Variants in CPS1 observed in about 807,000 individuals in gnomAD.
CPS1 encodes carbamoyl-phosphate synthase 1, also known as carbamoyl-phosphate synthase [ammonia], mitochondrial.
A neutral mutation model predicts 174.6 loss-of-function variants in CPS1; 109 were observed. That is an observed-to-expected ratio of 0.62 (90% CI 0.53 to 0.73). CPS1 has a LOEUF of 0.73. Among genes scored for constraint, CPS1 ranks in the 30% least tolerant of loss-of-function variants. The pLI is 0.00. For missense variants in CPS1, 1,689 were observed against 1,821.9 expected (o/e 0.93, Z 1.33); for synonymous variants, 637 against 632.0 (o/e 1.01, Z -0.12).
chr2:210,581,986 GA>G (rs1697936219), intron 5 of CPS1, among the ~76,000 whole-genome samples: 1 of 152,118 alleles, frequency 6.6e-6, no homozygotes, highest in African/African-American at 2.4e-5. Flanking sequence ...AGATACAGCT[GA>G]AAAAAGGTGA....
chr2:210,633,270 T>C (rs1574620304), intron 21 of CPS1, among the ~76,000 whole-genome samples: 1 of 152,192 alleles, frequency 6.6e-6, no homozygotes, highest in African/African-American at 2.4e-5. Flanking sequence ...ATGGCTTTTT[T>C]TTTTCGTCAC....
intron 32 of CPS1, 66 bp downstream of exon 32, chr2:210,660,721 A>T: frequency 1.3e-6 from 2 of 1,484,230 alleles, no homozygotes; most frequent in African/African-American, 2.8e-5. Context: ...ACAATTTGTC[A>T]TCAAAAATCT....
intron 1 of CPS1, among the ~76,000 whole-genome samples, chr2:210,512,692 A>G (rs1378599482): frequency 2.2e-5 from 3 of 139,526 alleles, no homozygotes; most frequent in Non-Finnish European, 3.1e-5. Context: ...TTTTTGGTAG[A>G]ACAATTTATT....
At chr2:210,664,202 C>T (rs1002080437) in intron 33 of CPS1, among the ~76,000 whole-genome samples, 1 of 152,166 alleles carries the variant, frequency 6.6e-6, no homozygotes, top group Non-Finnish European at 1.5e-5. Flanking sequence ...CGTTTCATCT[C>T]CAGTCGGTTT....
In CPS1 at chr2:210,606,058, A is replaced by G. The variant is rs115512077; in HGVS notation, c.1982-673A>G. 7.7e-3 allele frequency among the ~76,000 whole-genome samples: 1,176 copies of G among 152,090 alleles called. 20 individuals carry two copies. The highest frequency in any genetic ancestry group is 0.026 in the African/African-American group (1,101 of 41,548). On this transcript the variant is annotated intron_variant, in intron 17 of 37. Coordinates refer to ENST00000233072, the MANE Select transcript of CPS1 (RefSeq NM_001875.5). Reference sequence around the variant, plus strand: ...TTTGTTTTTGGCAGTATCAAATGCTATGCAAGACCAAGACTGATTATTTAA... The same window carrying G: ...TTTGTTTTTGGCAGTATCAAATGCTGTGCAAGACCAAGACTGATTATTTAA...
intron 21 of CPS1, among the ~76,000 whole-genome samples, chr2:210,622,685 A>C (rs911259775): frequency 5.3e-5 from 8 of 151,548 alleles, no homozygotes; most frequent in Non-Finnish European, 7.4e-5. Flanking sequence ...GAACTATTTC[A>C]GGACTTTACA....
At chr2:210,491,805 G>A (rs1198569346) in intron 1 of CPS1, among the ~76,000 whole-genome samples, 1 of 152,206 alleles carries the variant, frequency 6.6e-6, no homozygotes, top group Non-Finnish European at 1.5e-5. Context: ...GGTTAGGGGA[G>A]GGGGTCCTAT....
intron 5 of CPS1, 69 bp from the exon 6 acceptor site, chr2:210,582,548 T>C (rs1175566467): frequency 2.6e-6 from 3 of 1,153,852 alleles, no homozygotes; most frequent in Non-Finnish European, 3.9e-6. Context: ...TTAAAGTCCC[T>C]GTGAGTTTAT....
intron 1 of CPS1, among the ~76,000 whole-genome samples, chr2:210,482,348 C>T (rs1469723252): frequency 6.6e-6 from 1 of 151,558 alleles, no homozygotes; most frequent in Non-Finnish European, 1.5e-5. Context: ...GCTCTGTCTC[C>T]CAGGCTGGAG....
chr2:210,607,696 TC>T (rs1269319631), intron 18 of CPS1, among the ~76,000 whole-genome samples: 1 of 151,928 alleles, frequency 6.6e-6, no homozygotes, highest in Non-Finnish European at 1.5e-5. Flanking sequence ...AGCACATCAC[TC>T]ATTGTCTTTA....
chr2:210,515,927 A>C (rs1041000390), intron 1 of CPS1, among the ~76,000 whole-genome samples: 1 of 151,728 alleles, frequency 6.6e-6, no homozygotes, highest in Non-Finnish European at 1.5e-5. Flanking sequence ...CAAGGAAATT[A>C]AAAAATTTTC....
In CPS1 at chr2:210,676,898, C is replaced by T. The variant is rs144417865; in HGVS notation, c.4275-109C>T. On this transcript the variant is annotated intron_variant, in intron 36 of 37. Coordinates refer to ENST00000233072, the MANE Select transcript of CPS1 (RefSeq NM_001875.5). ...ATAGAGGAGGGCAGATGGCAGTCAA[C>T]TCAGCATGGCATTGACTTGAATGGC... 2.7e-3 allele frequency: 2,698 copies of T among 1,002,566 alleles called. 75 individuals are homozygous for T. In the Admixed American group the frequency reaches 0.044, roughly 16 times the overall value. 62.1% of individuals were successfully genotyped at this position (1,002,566 alleles called of 1,614,324 possible). A position where few individuals can be genotyped will look rare whatever the true frequency, so the allele number is the denominator to read the frequency against.
chr2:210,583,167 G>A (rs2106093992), intron 6 of CPS1, among the ~76,000 whole-genome samples: 1 of 152,212 alleles, frequency 6.6e-6, no homozygotes, highest in East Asian at 1.9e-4. Flanking sequence ...AAGATTTATT[G>A]TGTTATAGCT....
intron 33 of CPS1, among the ~76,000 whole-genome samples, chr2:210,665,929 T>G (rs1288411307): frequency 7.0e-6 from 1 of 142,364 alleles, no homozygotes; most frequent in African/African-American, 2.6e-5. Flanking sequence ...TGAACTAGTT[T>G]ACAGTCCCAC....
In CPS1 at chr2:210,611,444, A is replaced by G. The variant is rs553781610; in HGVS notation, c.2392-673A>G. The stretch of plus-strand genomic sequence containing the variant: ...ACTGGGTAGGTTGCAAGATCAATTT[A>G]AGTTTAGTTCTGACATGCAACTTGT... On this transcript the variant is annotated intron_variant, in intron 19 of 37. Transcript: ENST00000233072. Among the ~76,000 whole-genome samples the G allele has an allele frequency of 9.9e-5, 15 of 152,102 alleles. No homozygotes were observed. In the South Asian group the frequency reaches 3.1e-3, roughly 32 times the overall value.
At position 210,674,922 on chromosome 2, in the gene CPS1, C is replaced by T. The variant is rs1351524107; in HGVS notation, c.4122C>T (p.Phe1374=). ...TTCAGCAATCATTCCGGCCAAGATTCCTTGGTGTGGCTGAACAATTACACA... is the reference window on the plus strand; with the variant it reads ...TTCAGCAATCATTCCGGCCAAGATTTCTTGGTGTGGCTGAACAATTACACA... The part of the protein sequence containing the change: ...IGIQQSFRPR[F]LGVAEQLHNE... The change falls in exon 35 of 38, where the codon TTC becomes TTT. Residue 1374 remains phenylalanine, a synonymous_variant. Transcript: ENST00000233072. 1 of 1,613,816 alleles carries T rather than the reference C, an allele frequency of 6.2e-7. No homozygotes were observed. The highest frequency in any genetic ancestry group is 8.5e-7 in the Non-Finnish European group (1 of 1,179,792).
In CPS1 at chr2:210,675,832, C is replaced by G; in HGVS notation, c.4266C>G (p.Ser1422=). The G allele has an allele frequency of 6.8e-7, 1 of 1,467,670 alleles. No homozygotes were observed. Among genetic ancestry groups the G allele is most frequent in the Non-Finnish European group, 9.6e-7 (1 of 1,046,558 alleles). The allele number at this position is 1,467,670 out of a possible 1,614,324, so 90.9% of individuals were successfully genotyped here. A position where few individuals can be genotyped will look rare whatever the true frequency, so the allele number is the denominator to read the frequency against. ...SQEGQNPSLS[S]IRKLIRDGSI... ...AAGGACAGAATCCCAGCCTCTCTTC[C>G]ATCAGAAAGTAAGAACTAGGCATAC... is the stretch of plus-strand genomic sequence containing the variant. Residue 1422 remains serine (S), a synonymous_variant, in exon 36 of 38, where the codon TCC becomes TCG. Transcript: ENST00000233072.
chr2:210,547,726 C>A (rs1267750495), intron 1 of CPS1, among the ~76,000 whole-genome samples: 1 of 151,902 alleles, frequency 6.6e-6, no homozygotes, highest in African/African-American at 2.4e-5. Flanking sequence ...AATAAAATGT[C>A]TTTTACTTAT....
chr2:210,623,638 C>T (rs1324704846), intron 21 of CPS1, among the ~76,000 whole-genome samples: 2 of 152,070 alleles, frequency 1.3e-5, no homozygotes, highest in African/African-American at 4.8e-5. Context: ...CAATCTAGGA[C>T]AACCCTGGTG....
Sources: gnomAD v4.1 joint callset for allele counts (sites outside exome capture counted in the v4.1 genomes callset) on GRCh38, gnomAD v4.1.1 for gene constraint, MANE v1.5 for transcripts, NCBI Gene and HGNC (gene_info 2026-07-23, HGNC 2026-07-21) for gene names.